SUSD1: variants seen among roughly 807,000 people sequenced by gnomAD.
SUSD1 encodes the protein sushi domain-containing protein 1.
Under a neutral mutation model 86.9 loss-of-function variants are expected in SUSD1, and 65 were observed. The observed-to-expected ratio is 0.75, with a 90% confidence interval of 0.61 to 0.92. The LOEUF (loss-of-function observed/expected upper bound fraction) is 0.92. Among genes scored for constraint, SUSD1 ranks in the 40% least tolerant of loss-of-function variants. The probability of loss-of-function intolerance (pLI) is 0.00; values close to 1 mark genes in which losing one functional copy is unlikely to be tolerated. For synonymous variants in SUSD1, 346 were observed against 350.0 expected (o/e 0.99, Z 0.13); for missense variants, 850 against 929.7 (o/e 0.91, Z 1.11).
At chr9:112,150,810 A>T (rs1439847004) in intron 2 of SUSD1, among the ~76,000 whole-genome samples, 1 of 152,242 alleles carries the variant, frequency 6.6e-6, no homozygotes, top group Non-Finnish European at 1.5e-5. Flanking sequence ...TATAAAATGT[A>T]AAAAACTGAT....
chr9:112,156,655 C>T (rs1833341110), intron 2 of SUSD1, among the ~76,000 whole-genome samples: 2 of 152,256 alleles, frequency 1.3e-5, no homozygotes, highest in Admixed American at 6.5e-5. Flanking sequence ...AAGTGATCCT[C>T]CCACCTCAGC....
At position 112,095,644 on chromosome 9, in the gene SUSD1, A is replaced by G. The variant is rs150610518; in HGVS notation, c.1474+2826T>C. Among the ~76,000 whole-genome samples the G allele has an allele frequency of 8.0e-3, 1,216 of 152,366 alleles. 3 individuals carry two copies. The highest frequency in any genetic ancestry group is 0.013 in the Non-Finnish European group (857 of 68,042). On this transcript the variant is annotated intron_variant, in intron 10 of 16. Coordinates refer to ENST00000374270, the MANE Select transcript of SUSD1 (RefSeq NM_022486.5). ...AGACAAAAGGGAAAATCTCCTAACC[A>G]GGAAGTAGGACTCACAGGCAGACAT... is the stretch of plus-strand genomic sequence containing the variant.
chr9:112,130,075 TTAA>T (rs1424338426), intron 5 of SUSD1, among the ~76,000 whole-genome samples: 1 of 152,122 alleles, frequency 6.6e-6, no homozygotes, highest in Non-Finnish European at 1.5e-5. Context: ...CTCAGTAATT[TTAA>T]TAATAATAGC....
chr9:112,163,767 G>A (rs1403284351), intron 1 of SUSD1, among the ~76,000 whole-genome samples: 1 of 152,206 alleles, frequency 6.6e-6, no homozygotes, highest in Non-Finnish European at 1.5e-5. Flanking sequence ...GGGAGGCCAA[G>A]CAGGGCAGAT....
chr9:112,054,108 G>A (rs1245923991), intron 14 of SUSD1, among the ~76,000 whole-genome samples: 2 of 152,126 alleles, frequency 1.3e-5, no homozygotes, highest in African/African-American at 4.8e-5. Flanking sequence ...ATGGGGCATT[G>A]GAAGACTCAC....
intron 11 of SUSD1, 63 bp downstream of exon 11, chr9:112,080,011 G>A: frequency 8.6e-7 from 1 of 1,164,204 alleles, no homozygotes; most frequent in South Asian, 1.2e-5. Flanking sequence ...TAGGTTTGTG[G>A]GTATTTTTAA....
intron 12 of SUSD1, among the ~76,000 whole-genome samples, chr9:112,071,829 G>A (rs529906976): frequency 1.3e-5 from 2 of 152,228 alleles, no homozygotes; most frequent in South Asian, 4.1e-4. Context: ...CAGCATGATG[G>A]TTCTTTTCTA....
intron 12 of SUSD1, among the ~76,000 whole-genome samples, chr9:112,074,337 G>T (rs189265996): frequency 1.3e-5 from 2 of 152,170 alleles, no homozygotes; most frequent in East Asian, 1.9e-4. Context: ...GATGCGTGCC[G>T]TGGGGCTATC....
At chr9:112,156,601 G>A (rs936529952) in intron 2 of SUSD1, among the ~76,000 whole-genome samples, 18 of 152,130 alleles carry the variant, frequency 1.2e-4, no homozygotes, top group Admixed American at 7.2e-4. Flanking sequence ...TTAGATATGG[G>A]GGTCTCACTA....
intron 6 of SUSD1, among the ~76,000 whole-genome samples, chr9:112,120,003 A>G (rs1831486047): frequency 6.6e-6 from 1 of 152,218 alleles, no homozygotes; most frequent in Non-Finnish European, 1.5e-5. Context: ...AGAAGCAGAA[A>G]AGTAGAAAAA....
intron 5 of SUSD1, among the ~76,000 whole-genome samples, chr9:112,141,053 T>C (rs1832541325): frequency 6.6e-6 from 1 of 152,214 alleles, no homozygotes; most frequent in African/African-American, 2.4e-5. Flanking sequence ...GACTGGAAGT[T>C]GGTCTGGGTG....
Position 112,083,368 on chromosome 9 carries a change from C to T in SUSD1, c.1475-3203G>A, listed in dbSNP as rs1338047126. 2.6e-5 allele frequency among the ~76,000 whole-genome samples: 4 copies of T among 152,250 alleles called. No individual in the cohort carries two copies. The East Asian group carries it at 7.7e-4, about 29-fold the overall frequency. ...TCAGCCTCCCAAGTAGCTGGGACTA[C>T]AGGCATGCACCACCACACCTGGCTA... On this transcript the variant is annotated intron_variant, in intron 10 of 16. Transcript: ENST00000374270.
intron 14 of SUSD1, among the ~76,000 whole-genome samples, chr9:112,054,455 T>C (rs9722646): frequency 0.033 from 5,042 of 152,006 alleles, 257 homozygotes; most frequent in African/African-American, 0.11. Context: ...GGCATGGTGG[T>C]GCACAGCTGT....
chr9:112,080,285 A>T, intron 10 of SUSD1, 120 bp from the exon 11 acceptor site: 1 of 655,098 alleles, frequency 1.5e-6, no homozygotes, highest in Non-Finnish European at 2.7e-6. Flanking sequence ...TTAATTTAGA[A>T]ATTAGTGGTA....
At chr9:112,042,262 T>G in intron 15 of SUSD1, 1 of 1,092,246 alleles carries the variant, frequency 9.2e-7, no homozygotes. Context: ...GTGTTACATT[T>G]TTTGTTGGTC....
chr9:112,138,463 CTT>C (rs1320715477), intron 5 of SUSD1, among the ~76,000 whole-genome samples: 2 of 139,222 alleles, frequency 1.4e-5, no homozygotes, highest in Admixed American at 7.3e-5. Context: ...AATAAATATT[CTT>C]TTTTTTTTTT....
At chr9:112,075,720 G>C (rs563323914) in intron 12 of SUSD1, among the ~76,000 whole-genome samples, 118 of 152,276 alleles carry the variant, frequency 7.7e-4, no homozygotes, top group African/African-American at 2.7e-3. Context: ...ACTCCAGCCT[G>C]GGTGACAGAG....
At chr9:112,093,700 T>A (rs914187318) in intron 10 of SUSD1, among the ~76,000 whole-genome samples, 1 of 152,276 alleles carries the variant, frequency 6.6e-6, no homozygotes, top group East Asian at 1.9e-4. Context: ...AGATTCAGTA[T>A]CTCCCTGCAA....
At chr9:112,151,846 T>C (rs1833060506) in intron 2 of SUSD1, among the ~76,000 whole-genome samples, 1 of 150,762 alleles carries the variant, frequency 6.6e-6, no homozygotes, top group Non-Finnish European at 1.5e-5. Context: ...AAGACCAGCC[T>C]CAACATGGAG....
Sources: allele counts gnomAD v4.1 joint callset (sites outside exome capture counted in the v4.1 genomes callset), GRCh38; gene constraint gnomAD v4.1.1; transcripts MANE v1.5; gene names NCBI Gene and HGNC (gene_info 2026-07-23, HGNC 2026-07-21).